The following DNM3 variants were observed in gnomAD, a reference collection of about 807,000 sequenced individuals.
The protein encoded by DNM3 is dynamin 3, also known as dynamin-3.
In DNM3, 47 loss-of-function variants were observed where a neutral mutation model predicts 101.6. That is an observed-to-expected ratio of 0.46 (90% CI 0.37 to 0.59). The LOEUF is 0.59. Among genes scored for constraint, DNM3 ranks in the 20% least tolerant of loss-of-function variants. DNM3 has a pLI of 0.00. For missense variants in DNM3, 849 were observed against 1,085.7 expected, an observed-to-expected ratio of 0.78 and a Z score of 3.06; for synonymous variants, 385 against 387.9, an observed-to-expected ratio of 0.99 and a Z score of 0.09.
intron 1 of DNM3, among the ~76,000 whole-genome samples, chr1:171,877,654 G>C (rs2035900013): frequency 6.6e-6 from 1 of 152,122 alleles, no homozygotes; most frequent in Non-Finnish European, 1.5e-5. Context: ...TTCAAGAATG[G>C]GGTTATATTG....
chr1:172,256,160 A>G (rs2062389716), intron 15 of DNM3, among the ~76,000 whole-genome samples: 1 of 152,130 alleles, frequency 6.6e-6, no homozygotes, highest in Non-Finnish European at 1.5e-5. Flanking sequence ...AGATTGGCCC[A>G]TAAATTTCCT....
chr1:171,919,791 C>T (rs1384122375), intron 1 of DNM3, among the ~76,000 whole-genome samples: 4 of 152,092 alleles, frequency 2.6e-5, no homozygotes, highest in African/African-American at 9.7e-5. Flanking sequence ...TGTTCTTTCT[C>T]TTTTCTGAAC....
At chr1:172,368,460 G>T (rs895026149) in intron 17 of DNM3, among the ~76,000 whole-genome samples, 1 of 151,594 alleles carries the variant, frequency 6.6e-6, no homozygotes, top group East Asian at 1.9e-4. Context: ...CAAATCCTAC[G>T]CAATACAGCA....
chr1:172,128,777 C>A (rs879385707), intron 13 of DNM3, among the ~76,000 whole-genome samples: 6 of 152,162 alleles, frequency 3.9e-5, no homozygotes, highest in Admixed American at 3.9e-4. Context: ...CCTCACTAAT[C>A]CCACTCTCAT....
intron 11 of DNM3, among the ~76,000 whole-genome samples, chr1:172,077,492 C>G (rs1170702000): frequency 6.6e-6 from 1 of 152,208 alleles, no homozygotes; most frequent in Non-Finnish European, 1.5e-5. Context: ...AACTGTGTCG[C>G]AGAGATTCTG....
At chr1:172,128,150 G>A (rs934019929) in intron 13 of DNM3, among the ~76,000 whole-genome samples, 3 of 152,012 alleles carry the variant, frequency 2.0e-5, no homozygotes, top group East Asian at 3.9e-4. Context: ...ATATTTCCCC[G>A]AGGATTCCAT....
At chr1:172,318,441 C>G (rs1318320267) in intron 16 of DNM3, among the ~76,000 whole-genome samples, 4 of 152,178 alleles carry the variant, frequency 2.6e-5, no homozygotes, top group Admixed American at 6.5e-5. Flanking sequence ...AAGAGGAAGC[C>G]AAATTGTCCC....
chr1:172,093,493 A>ATTTG (rs1369254454), intron 13 of DNM3, among the ~76,000 whole-genome samples: 3 of 152,104 alleles, frequency 2.0e-5, no homozygotes, highest in Non-Finnish European at 4.4e-5. Flanking sequence ...GATAATGAAT[A>ATTTG]TTTGCATTGT....
In DNM3 at chr1:172,135,169, G is replaced by C. The variant is rs578059870; in HGVS notation, c.1659+3881G>C. Among the ~76,000 whole-genome samples, 8 of 152,240 alleles carry C rather than the reference G, an allele frequency of 5.3e-5. No individual in the cohort carries two copies. The East Asian group carries it at 1.5e-3, about 29-fold the overall frequency. On this transcript the variant is annotated intron_variant, in intron 14 of 20. Coordinates refer to ENST00000627582, the MANE Select transcript of DNM3 (RefSeq NM_015569.5). ...CGGATTTAAGAGATGTTTTTGGAAG[G>C]TGAAAATTGACATGAACAACTCATC...
At chr1:171,863,290 A>G (rs1185475753) in intron 1 of DNM3, among the ~76,000 whole-genome samples, 1 of 152,038 alleles carries the variant, frequency 6.6e-6, no homozygotes. Context: ...TATCCACTGT[A>G]ACTGAAAGGT....
intron 2 of DNM3, among the ~76,000 whole-genome samples, chr1:171,943,234 A>C (rs1024909954): frequency 6.6e-6 from 1 of 152,214 alleles, no homozygotes; most frequent in African/African-American, 2.4e-5. Context: ...TAGCATAGGA[A>C]ATTCTTGTTT....
intron 4 of DNM3, among the ~76,000 whole-genome samples, chr1:172,024,494 G>A (rs780941181): frequency 7.2e-5 from 11 of 152,202 alleles, no homozygotes; most frequent in Non-Finnish European, 1.3e-4. Flanking sequence ...TGAATAAAGA[G>A]TAATAATAGT....
chr1:172,347,067 C>A (rs1313082192), intron 17 of DNM3, among the ~76,000 whole-genome samples: 1 of 152,076 alleles, frequency 6.6e-6, no homozygotes, highest in Non-Finnish European at 1.5e-5. Flanking sequence ...AACTGCATAG[C>A]CACAAGTTTG....
chr1:171,961,933 T>C (rs149629172), intron 2 of DNM3, among the ~76,000 whole-genome samples: 120 of 152,314 alleles, frequency 7.9e-4, no homozygotes, highest in African/African-American at 2.7e-3. Flanking sequence ...GAATTTATTT[T>C]TCACAGTTAT....
intron 14 of DNM3, among the ~76,000 whole-genome samples, chr1:172,227,271 GATATATAT>G (rs140087796): frequency 0.02 from 1,529 of 78,006 alleles, 70 homozygotes; most frequent in East Asian, 0.14. Flanking sequence ...AGTATTTTGT[GATATATAT>G]ATATATATAT....
intron 12 of DNM3, among the ~76,000 whole-genome samples, chr1:172,083,906 G>C: frequency 6.6e-6 from 1 of 152,040 alleles, no homozygotes; most frequent in East Asian, 1.9e-4. Context: ...TCTGGTCCAG[G>C]TGTCTGGTCC....
At chr1:171,879,004 C>T (rs1361966972) in intron 1 of DNM3, among the ~76,000 whole-genome samples, 3 of 152,298 alleles carry the variant, frequency 2.0e-5, no homozygotes, top group East Asian at 3.9e-4. Flanking sequence ...TGTTTTCTGT[C>T]AGAGTGTATG....
chr1:171,849,809 A>T (rs2032703578), intron 1 of DNM3, among the ~76,000 whole-genome samples: 1 of 152,334 alleles, frequency 6.6e-6, no homozygotes, highest in South Asian at 2.1e-4. Flanking sequence ...TAATTTAGAA[A>T]TAAAAAAGAT....
intron 17 of DNM3, among the ~76,000 whole-genome samples, chr1:172,374,605 T>C (rs2068507603): frequency 1.3e-5 from 2 of 152,188 alleles, no homozygotes; most frequent in East Asian, 1.9e-4. Flanking sequence ...CATTGAACTT[T>C]GAAAGATTTT....
Sources: gnomAD v4.1 joint callset for allele counts (sites outside exome capture counted in the v4.1 genomes callset) on GRCh38, gnomAD v4.1.1 for gene constraint, MANE v1.5 for transcripts, NCBI Gene and HGNC (gene_info 2026-07-23, HGNC 2026-07-21) for gene names.